The following MAGI1 variants were observed in gnomAD, a reference collection of about 807,000 sequenced individuals.
The protein encoded by MAGI1 is membrane-associated guanylate kinase, WW and PDZ domain-containing protein 1.
A neutral mutation model predicts 139.9 loss-of-function variants in MAGI1; 58 were observed. The observed-to-expected ratio is 0.41, with a 90% CI of 0.34 to 0.52. The LOEUF (loss-of-function observed/expected upper bound fraction) is 0.52, where lower values mean the gene tolerates loss of function less well. Ranked by LOEUF, MAGI1 falls within the 20% of genes least tolerant of loss-of-function variation. The pLI is 0.12. For synonymous variants in MAGI1, 812 were observed against 737.9 expected (o/e 1.10, Z -1.63); for missense variants, 1,874 against 1,901.6 (o/e 0.99, Z 0.27).
intron 6 of MAGI1, chr3:65,452,492 C>T (rs908806635): frequency 6.6e-6 from 1 of 152,066 alleles, no homozygotes; most frequent in Admixed American, 6.6e-5. Flanking sequence ...AACCATTTCC[C>T]TTTTCATTCT....
chr3:65,952,687 G>A lies in MAGI1; in HGVS notation c.313+85309C>T, dbSNP rs563461607. Reference sequence around the variant, plus strand: ...AAATTAGCCAAGCGTGGTGGCGGGCGCCTGTAGTCCCAGCTACTCGGGAGG... The same window carrying A: ...AAATTAGCCAAGCGTGGTGGCGGGCACCTGTAGTCCCAGCTACTCGGGAGG... On this transcript the variant is annotated intron_variant, in intron 1 of 22. Transcript: ENST00000402939. 1.4e-4 allele frequency among the ~76,000 whole-genome samples: 22 copies of A among 152,234 alleles called. No individual in the cohort carries two copies. The South Asian group carries it at 2.3e-3, about 16-fold the overall frequency.
chr3:65,958,612 G>A lies in MAGI1; in HGVS notation c.313+79384C>T, dbSNP rs185922659. ...TGGGTAGACTTAACTTCCAAAAGTC[G>A]TACAGAAGACAACAGAGTTCCGGGT... On this transcript the variant is annotated intron_variant, in intron 1 of 22. Coordinates refer to ENST00000402939, the MANE Select transcript of MAGI1 (RefSeq NM_001033057.2). Among the ~76,000 whole-genome samples the A allele has an allele frequency of 2.5e-4, 38 of 152,310 alleles. No homozygotes were observed. In the East Asian group the frequency reaches 6.2e-3, roughly 25 times the overall value.
chr3:65,675,885 A>G (rs1170618132), intron 1 of MAGI1, among the ~76,000 whole-genome samples: 2 of 152,236 alleles, frequency 1.3e-5, no homozygotes, highest in African/African-American at 4.8e-5. Flanking sequence ...TTACTGAGAA[A>G]TGCTAGAGCA....
At chr3:65,566,716 A>G (rs1033565758) in intron 2 of MAGI1, among the ~76,000 whole-genome samples, 6 of 152,128 alleles carry the variant, frequency 3.9e-5, no homozygotes, top group Non-Finnish European at 7.3e-5. Flanking sequence ...AAGACAATAT[A>G]TTTTTAAATG....
intron 4 of MAGI1, among the ~76,000 whole-genome samples, chr3:65,471,134 G>A (rs1231707249): frequency 6.6e-6 from 1 of 152,098 alleles, no homozygotes; most frequent in Non-Finnish European, 1.5e-5. Flanking sequence ...GTTACCCCCA[G>A]AACAGTATCA....
intron 1 of MAGI1, among the ~76,000 whole-genome samples, chr3:65,723,925 T>C (rs973510300): frequency 6.6e-6 from 1 of 152,092 alleles, no homozygotes; most frequent in Non-Finnish European, 1.5e-5. Context: ...TGTTTGGGGA[T>C]TGGAAAAAGT....
At chr3:65,569,876 G>T in intron 2 of MAGI1, among the ~76,000 whole-genome samples, 1 of 141,744 alleles carries the variant, frequency 7.1e-6, no homozygotes, top group Non-Finnish European at 1.5e-5. Context: ...CCCTGTCTCA[G>T]AAAAAAAAAA....
rs118143805 is a variant in MAGI1 at position 65,377,431 on chromosome 3, G to A, written c.2996-1486C>T. ...GTATTAGGGAAAGTTTAATTTGTTCGTTGTAAGAGCCAAAGGAAAACAATC... is the reference window on the plus strand; with the variant it reads ...GTATTAGGGAAAGTTTAATTTGTTCATTGTAAGAGCCAAAGGAAAACAATC... On this transcript the variant is annotated intron_variant, in intron 17 of 22. Transcript: ENST00000402939. 1.2e-3 allele frequency among the ~76,000 whole-genome samples: 188 copies of A among 152,302 alleles called. 5 individuals carry two copies. In the East Asian group the frequency reaches 0.032, roughly 26 times the overall value.
chr3:65,474,460 T>C (rs995691613), intron 4 of MAGI1, among the ~76,000 whole-genome samples: 4 of 152,216 alleles, frequency 2.6e-5, no homozygotes, highest in African/African-American at 9.7e-5. Flanking sequence ...TTCAGGGTTC[T>C]CATCTGCAAA....
At chr3:65,688,253 C>A in intron 1 of MAGI1, 1 of 850,150 alleles carries the variant, frequency 1.2e-6, no homozygotes. Flanking sequence ...AGACTCTGGT[C>A]TGAATCCTCT....
In MAGI1 at chr3:65,975,102, A is replaced by C. The variant is rs540403751; in HGVS notation, c.313+62894T>G. Among the ~76,000 whole-genome samples, 373 of 151,874 alleles carry C rather than the reference A, an allele frequency of 2.5e-3. 3 individuals are homozygous for C. Among genetic ancestry groups the C allele is most frequent in the African/African-American group, 8.5e-3 (352 of 41,420 alleles). The stretch of plus-strand genomic sequence containing the variant: ...AGGGAAATAGCTATTTAAAAAAAAA[A>C]AAACAGTAAATATCCATGAGAAATG... On this transcript the variant is annotated intron_variant, in intron 1 of 22. Transcript: ENST00000402939.
Position 65,542,350 on chromosome 3 carries a change from T to C in MAGI1, c.431-48719A>G, listed in dbSNP as rs114039251. ...GTGAAAATGGCCATACTTTTCAAAG[T>C]AAGTTTTAGATTCAATGCTATCCCC... On this transcript the variant is annotated intron_variant, in intron 2 of 22. Coordinates refer to ENST00000402939, the MANE Select transcript of MAGI1 (RefSeq NM_001033057.2). Among the ~76,000 whole-genome samples the C allele has an allele frequency of 8.5e-3, 1,296 of 152,294 alleles. 19 individuals are homozygous for C. The highest frequency in any genetic ancestry group is 0.03 in the African/African-American group (1,230 of 41,560).
chr3:65,486,332 G>C (rs1293288984), intron 3 of MAGI1, among the ~76,000 whole-genome samples: 2 of 152,244 alleles, frequency 1.3e-5, no homozygotes, highest in African/African-American at 4.8e-5. Flanking sequence ...TGTATAATCA[G>C]CCTCTTCTAC....
At chr3:65,387,001 A>C (rs1004702581) in intron 14 of MAGI1, 3 of 676,724 alleles carry the variant, frequency 4.4e-6, no homozygotes, top group African/African-American at 1.8e-5. Context: ...CGTTTGGTCA[A>C]CAAGAGCTCC....
intron 1 of MAGI1, among the ~76,000 whole-genome samples, chr3:65,927,565 GC>G (rs2062585085): frequency 6.6e-6 from 1 of 152,180 alleles, no homozygotes; most frequent in Non-Finnish European, 1.5e-5. Flanking sequence ...AGATTTATTT[GC>G]CAAGAAATCA....
chr3:65,743,322 T>C (rs1224288321), intron 1 of MAGI1, among the ~76,000 whole-genome samples: 1 of 152,174 alleles, frequency 6.6e-6, no homozygotes, highest in Non-Finnish European at 1.5e-5. Context: ...GATTCCTAAG[T>C]GTTTGTCCAC....
At chr3:65,394,435 A>G (rs17417412) in intron 13 of MAGI1, among the ~76,000 whole-genome samples, 5,390 of 152,308 alleles carry the variant, frequency 0.035, 126 homozygotes, top group Non-Finnish European at 0.055. Context: ...AATATGCTCT[A>G]AAAACTGTGC....
intron 1 of MAGI1, among the ~76,000 whole-genome samples, chr3:65,837,811 C>T (rs551975431): frequency 9.0e-4 from 137 of 152,290 alleles, no homozygotes; most frequent in African/African-American, 3.2e-3. Flanking sequence ...AAAGGCACAA[C>T]CTCAAATTTC....
At chr3:65,436,253 A>ATC (rs141023595) in intron 10 of MAGI1, among the ~76,000 whole-genome samples, 7,359 of 152,186 alleles carry the variant, frequency 0.048, 596 homozygotes, top group African/African-American at 0.17. Flanking sequence ...ACACAATTAA[A>ATC]TCTTTTAAAA....
Sources: gnomAD v4.1 joint callset for allele counts (sites outside exome capture counted in the v4.1 genomes callset) on GRCh38, gnomAD v4.1.1 for gene constraint, MANE v1.5 for transcripts, NCBI Gene and HGNC (gene_info 2026-07-23, HGNC 2026-07-21) for gene names.